HSD17B11: variants seen among roughly 807,000 people sequenced by gnomAD.
The protein encoded by HSD17B11 is estradiol 17-beta-dehydrogenase 11.
Under a neutral mutation model 27.8 loss-of-function variants are expected in HSD17B11, and 22 were observed. That is an observed-to-expected ratio of 0.79 (90% CI 0.56 to 1.13). The LOEUF (loss-of-function observed/expected upper bound fraction) is 1.13. Among genes scored for constraint, HSD17B11 ranks in the 50% most tolerant of loss-of-function variants. HSD17B11 has a pLI of 0.00. For missense variants in HSD17B11, 314 were observed against 351.1 expected (o/e 0.89, Z 0.84); for synonymous variants, 117 against 132.8 (o/e 0.88, Z 0.82).
At chr4:87,384,646 G>A (rs976330401) in intron 1 of HSD17B11, among the ~76,000 whole-genome samples, 2 of 152,096 alleles carry the variant, frequency 1.3e-5, no homozygotes, top group East Asian at 1.9e-4. Context: ...ACTGAGATAC[G>A]CCCTGGTCTC....
At position 87,355,536 on chromosome 4, in the gene HSD17B11, A is replaced by G. The variant is rs190300235; in HGVS notation, c.695+1743T>C. On this transcript the variant is annotated intron_variant, in intron 5 of 6. Coordinates refer to ENST00000358290, the MANE Select transcript of HSD17B11 (RefSeq NM_016245.5). ...AAAAACAACTGGGGAAAAAAAAAAC[A>G]TATGCAACAGATGTGATATATAAAG... Among the ~76,000 whole-genome samples, 495 of 152,208 alleles carry G rather than the reference A, an allele frequency of 3.3e-3. 2 individuals are homozygous for G. Among genetic ancestry groups the G allele is most frequent in the African/African-American group, 0.011 (451 of 41,518 alleles).
At chr4:87,339,835 T>C (rs59137232) in intron 6 of HSD17B11, among the ~76,000 whole-genome samples, 9,114 of 152,136 alleles carry the variant, frequency 0.06, 878 homozygotes, top group African/African-American at 0.21. Flanking sequence ...TTTTTTAAAC[T>C]TCCCAGGTGA....
intron 2 of HSD17B11, 119 bp from the exon 3 acceptor site, chr4:87,374,949 A>G (rs1735790450): frequency 4.5e-6 from 3 of 671,610 alleles, no homozygotes; most frequent in Non-Finnish European, 6.9e-6. Flanking sequence ...GCTGCAGTAC[A>G]GTGGCGAAAT....
At chr4:87,344,690 T>C (rs954725430) in intron 5 of HSD17B11, among the ~76,000 whole-genome samples, 4 of 152,182 alleles carry the variant, frequency 2.6e-5, no homozygotes, top group African/African-American at 9.6e-5. Context: ...AACAGCAGAA[T>C]ACACATTATT....
At chr4:87,356,250 T>G (rs913698783) in intron 5 of HSD17B11, among the ~76,000 whole-genome samples, 1 of 152,184 alleles carries the variant, frequency 6.6e-6, no homozygotes, top group African/African-American at 2.4e-5. Context: ...TTTGGCCCAG[T>G]AATCCCCCTT....
intron 4 of HSD17B11, among the ~76,000 whole-genome samples, chr4:87,369,120 A>G (rs2110123218): frequency 6.6e-6 from 1 of 152,308 alleles, no homozygotes; most frequent in African/African-American, 2.4e-5. Flanking sequence ...GAAGCTATCC[A>G]TAAATTTAGT....
In HSD17B11 at chr4:87,337,076, G is replaced by A. The variant is rs1357888860; in HGVS notation, c.*200C>T. ...ATTTTCCTTAAAGTCACCTCTAAAG[G>A]TATTTCTCTGTTTATATCATATGTA... On this transcript the variant is annotated 3_prime_UTR_variant, in exon 7 of 7. Coordinates refer to ENST00000358290, the MANE Select transcript of HSD17B11 (RefSeq NM_016245.5). 4.1e-5 allele frequency: 22 copies of A among 536,020 alleles called. No homozygotes were observed. The Admixed American group carries it at 8.3e-4, about 20-fold the overall frequency. The allele number at this position is 536,020 out of a possible 1,614,324, so 33.2% of individuals were successfully genotyped here. A position where few individuals can be genotyped will look rare whatever the true frequency, so the allele number is the denominator to read the frequency against.
intron 6 of HSD17B11, among the ~76,000 whole-genome samples, chr4:87,338,870 G>T (rs778809865): frequency 6.6e-6 from 1 of 151,970 alleles, no homozygotes; most frequent in African/African-American, 2.4e-5. Context: ...TTCTTTATTC[G>T]TCTCAGCCCT....
chr4:87,370,720 A>ATATTATTAT (rs1165770162), intron 4 of HSD17B11, among the ~76,000 whole-genome samples: 28 of 75,402 alleles, frequency 3.7e-4, no homozygotes, highest in East Asian at 1.2e-3. Context: ...CCTGGCCTAG[A>ATATTATTAT]TATTATTATT....
rs144119761 is a variant in HSD17B11, at chr4:87,360,817, T to A, written c.558-3401A>T. 2.0e-5 allele frequency among the ~76,000 whole-genome samples: 3 copies of A among 152,310 alleles called. No homozygotes were observed. The East Asian group carries it at 5.8e-4, about 29-fold the overall frequency. ...TGAAAGAGTGACAAAATACCAATGA[T>A]AATGAGTAAATTGAATAACTAGTGG... is the stretch of plus-strand genomic sequence containing the variant. On this transcript the variant is annotated intron_variant, in intron 4 of 6. Coordinates refer to ENST00000358290, the MANE Select transcript of HSD17B11 (RefSeq NM_016245.5).
intron 5 of HSD17B11, chr4:87,345,005 C>G (rs776640368): frequency 6.6e-6 from 1 of 152,204 alleles, no homozygotes; most frequent in Non-Finnish European, 1.5e-5. Context: ...TGGCTCAAGC[C>G]CATAATCCCA....
chr4:87,383,252 A>G (rs1035521126), intron 1 of HSD17B11, among the ~76,000 whole-genome samples: 2 of 152,098 alleles, frequency 1.3e-5, no homozygotes, highest in African/African-American at 4.8e-5. Context: ...TGTCATATTA[A>G]GATTTATCAA....
intron 5 of HSD17B11, among the ~76,000 whole-genome samples, chr4:87,342,644 T>A (rs1024212128): frequency 6.6e-6 from 1 of 152,084 alleles, no homozygotes; most frequent in Non-Finnish European, 1.5e-5. Context: ...CTGGGACAAT[T>A]GAGAAGTATA....
At chr4:87,344,120 A>G (rs1376469447) in intron 5 of HSD17B11, among the ~76,000 whole-genome samples, 1 of 152,234 alleles carries the variant, frequency 6.6e-6, no homozygotes, top group African/African-American at 2.4e-5. Context: ...TATATATACA[A>G]GCACTTTATA....
At chr4:87,375,501 G>C (rs1183733858) in intron 2 of HSD17B11, among the ~76,000 whole-genome samples, 1 of 152,164 alleles carries the variant, frequency 6.6e-6, no homozygotes, top group Non-Finnish European at 1.5e-5. Context: ...CAGTATTTTG[G>C]GAGGCCGAGG....
chr4:87,356,631 C>A (rs560664236), intron 5 of HSD17B11, among the ~76,000 whole-genome samples: 9 of 152,100 alleles, frequency 5.9e-5, no homozygotes. Flanking sequence ...TTGTATTTTT[C>A]ATTAACATTG....
At chr4:87,356,147 C>T (rs1016296649) in intron 5 of HSD17B11, among the ~76,000 whole-genome samples, 1 of 152,150 alleles carries the variant, frequency 6.6e-6, no homozygotes. Flanking sequence ...GAGTAAGTTG[C>T]TCTCCCTGCA....
chr4:87,339,190 A>T (rs80263421), intron 6 of HSD17B11, among the ~76,000 whole-genome samples: 20,673 of 152,206 alleles, frequency 0.14, 1,477 homozygotes, highest in Middle Eastern at 0.17. Flanking sequence ...CTGAGTGCAT[A>T]CTTACGTAAC....
At chr4:87,378,043 C>T (rs953236026) in intron 2 of HSD17B11, among the ~76,000 whole-genome samples, 1 of 152,052 alleles carries the variant, frequency 6.6e-6, no homozygotes, top group African/African-American at 2.4e-5. Context: ...ACGTCAGAGC[C>T]CAAGACAAGC....
Sources: allele counts gnomAD v4.1 joint callset (sites outside exome capture counted in the v4.1 genomes callset), GRCh38; gene constraint gnomAD v4.1.1; transcripts MANE v1.5; gene names NCBI Gene and HGNC (gene_info 2026-07-23, HGNC 2026-07-21).